Variants in CASTOR2 observed in about 807,000 individuals in gnomAD.
CASTOR2 encodes cytosolic arginine sensor for mTORC1 subunit 2, also known as GATS protein like 2.
A neutral mutation model predicts 31.2 loss-of-function variants in CASTOR2; 8 were observed. The ratio of observed to expected loss-of-function variants is 0.26; its 90% confidence interval spans 0.15 to 0.46. CASTOR2 has a LOEUF of 0.46. CASTOR2 is among the 20% of genes least tolerant of loss of function. The pLI, the probability that CASTOR2 is intolerant of heterozygous loss-of-function variation, is 0.99. For missense variants in CASTOR2, 216 were observed against 382.1 expected, an observed-to-expected ratio of 0.57 and a Z score of 3.62; for synonymous variants, 162 against 158.7, an observed-to-expected ratio of 1.02 and a Z score of -0.16.
chr7:75,027,993 GA>G lies in CASTOR2; in HGVS notation c.*3296del, dbSNP rs1805185436. 8.5e-6 allele frequency: 13 copies of G among 1,532,282 alleles called. No individual in the cohort carries two copies. Among genetic ancestry groups the G allele is most frequent in the Non-Finnish European group, 1.1e-5 (13 of 1,144,524 alleles). The allele number at this position is 1,532,282 out of a possible 1,614,324, so 94.9% of individuals were successfully genotyped here. ...GAGGGGCTCCATCCGCAGTTGCATG[GA>G]ACTCCTTACCTGTTTGCCGTCCATC... On this transcript the variant is annotated 3_prime_UTR_variant, in exon 9 of 9. Transcript: ENST00000616305.
In CASTOR2 at chr7:74,977,200, A is replaced by G. The variant is rs1250444327; in HGVS notation, c.113+12102A>G. Among the ~76,000 whole-genome samples, 9 of 150,804 alleles carry G rather than the reference A, an allele frequency of 6.0e-5. No homozygotes were observed. The Admixed American group carries it at 6.0e-4, about 10-fold the overall frequency. On this transcript the variant is annotated intron_variant, in intron 1 of 8. Coordinates refer to ENST00000616305, the MANE Select transcript of CASTOR2 (RefSeq NM_001145064.3). ...ACTCCATCTCAAAAAAAAAAAAAAA[A>G]AAAACACCTTGTAAAAGGTTTAATT...
chr7:75,014,419 CAAAAAAAA>C (rs1193842037), intron 2 of CASTOR2, among the ~76,000 whole-genome samples: 1 of 57,560 alleles, frequency 1.7e-5, no homozygotes, highest in African/African-American at 5.5e-5. Flanking sequence ...ACTAAAAATA[CAAAAAAAA>C]AAAAAAAAAA....
At chr7:74,997,528 C>T (rs1169415806) in intron 1 of CASTOR2, among the ~76,000 whole-genome samples, 17 of 151,520 alleles carry the variant, frequency 1.1e-4, no homozygotes, top group East Asian at 1.9e-4. Flanking sequence ...CAGGTTCAAG[C>T]GATTCTTGTG....
Position 74,967,362 on chromosome 7 carries a change from A to G in CASTOR2, c.113+2264A>G. Among the ~76,000 whole-genome samples the G allele has an allele frequency of 1.4e-5, 2 of 138,872 alleles. 1 individual carries two copies. The highest frequency in any genetic ancestry group is 3.2e-5 in the Non-Finnish European group (2 of 62,910). The allele number at this position is 138,872 out of a possible 152,430, so 91.1% of individuals were successfully genotyped here. A position where few individuals can be genotyped will look rare whatever the true frequency, so the allele number is the denominator to read the frequency against. On this transcript the variant is annotated intron_variant, in intron 1 of 8. Coordinates refer to ENST00000616305, the MANE Select transcript of CASTOR2 (RefSeq NM_001145064.3). ...AGTGTTAATGGGTCGCAGCCTGCCG[A>G]CATAGCATTTAAACTGTTTTCAATA...
At chr7:75,005,330 A>G (rs1432333016) in intron 1 of CASTOR2, among the ~76,000 whole-genome samples, 172 of 152,342 alleles carry the variant, frequency 1.1e-3, no homozygotes, top group African/African-American at 4.0e-3. Context: ...TCATATGAAT[A>G]GAAACATACA....
chr7:75,031,456 T>C lies in CASTOR2; in HGVS notation c.*6757T>C, dbSNP rs1396705764. 1.3e-5 allele frequency among the ~76,000 whole-genome samples: 2 copies of C among 151,960 alleles called. No homozygotes were observed. The highest frequency in any genetic ancestry group is 3.9e-4 in the East Asian group (2 of 5,188). Reference sequence around the variant, plus strand: ...GTACTGTATGTTGGAGAAAAAAAATTACCTAATGTTCCCCCAAAAAAGACA... The same window carrying C: ...GTACTGTATGTTGGAGAAAAAAAATCACCTAATGTTCCCCCAAAAAAGACA... On this transcript the variant is annotated 3_prime_UTR_variant, in exon 9 of 9. Transcript: ENST00000616305.
At chr7:74,998,332 G>A (rs1455455477) in intron 1 of CASTOR2, among the ~76,000 whole-genome samples, 6 of 152,146 alleles carry the variant, frequency 3.9e-5, no homozygotes, top group Admixed American at 1.3e-4. Flanking sequence ...GGCCGGGCAC[G>A]GTGGCTCACA....
intron 1 of CASTOR2, among the ~76,000 whole-genome samples, chr7:75,007,476 T>C (rs1563060894): frequency 6.6e-6 from 1 of 152,056 alleles, no homozygotes; most frequent in African/African-American, 2.4e-5. Flanking sequence ...CCTCTCTCTT[T>C]AGGGATGGAA....
At chr7:74,975,324 C>T (rs1445020004) in intron 1 of CASTOR2, among the ~76,000 whole-genome samples, 11 of 150,418 alleles carry the variant, frequency 7.3e-5, no homozygotes, top group South Asian at 6.4e-4. Context: ...TTGTCCACGC[C>T]GGTCTCAAAC....
At chr7:74,985,394 A>G (rs1804037942) in intron 1 of CASTOR2, among the ~76,000 whole-genome samples, 1 of 151,878 alleles carries the variant, frequency 6.6e-6, no homozygotes, top group Non-Finnish European at 1.5e-5. Context: ...AGCCTGGGCA[A>G]CATAGTGAGA....
rs1805080612 is a variant in CASTOR2 at position 75,024,717 on chromosome 7, C to T, written c.*18C>T. 3.9e-6 allele frequency: 6 copies of T among 1,551,468 alleles called. No individual in the cohort carries two copies. Among genetic ancestry groups the T allele is most frequent in the Non-Finnish European group, 5.2e-6 (6 of 1,146,860 alleles). On this transcript the variant is annotated 3_prime_UTR_variant, in exon 9 of 9. Transcript: ENST00000616305. ...AGCACTAGAAGGGTCTCTTCTGCTC[C>T]TCCCTGCCGCCGCCCGGGCCCAGCC...
Position 75,027,911 on chromosome 7 carries a change from TG to T in CASTOR2, c.*3215del. 3 of 1,113,786 alleles carry T rather than the reference TG, an allele frequency of 2.7e-6. No homozygotes were observed. Among genetic ancestry groups the T allele is most frequent in the Non-Finnish European group, 3.9e-6 (3 of 764,392 alleles). The allele number at this position is 1,113,786 out of a possible 1,614,324, so 69.0% of individuals were successfully genotyped here. ...GTCCCCCAGCTATCTCCTGGTCTGC[TG>T]GGTGGGAGGGTCTCTCCAGGCCCCA... is the stretch of plus-strand genomic sequence containing the variant. On this transcript the variant is annotated 3_prime_UTR_variant, in exon 9 of 9. Transcript: ENST00000616305.
rs1805259662 is a variant in CASTOR2, at chr7:75,030,126, A to G, written c.*5427A>G. On this transcript the variant is annotated 3_prime_UTR_variant, in exon 9 of 9. Coordinates refer to ENST00000616305, the MANE Select transcript of CASTOR2 (RefSeq NM_001145064.3). ...GCCGAGAGAGCTTGTGGCTGTCACT[A>G]TAAGGGAAGAGGAGCTATGGAAATT... 1.3e-5 allele frequency among the ~76,000 whole-genome samples: 2 copies of G among 152,222 alleles called. No homozygotes were observed. The highest frequency in any genetic ancestry group is 6.5e-5 in the Admixed American group (1 of 15,284).
intron 1 of CASTOR2, among the ~76,000 whole-genome samples, chr7:75,003,605 T>C (rs1216774660): frequency 2.0e-5 from 3 of 151,592 alleles, no homozygotes; most frequent in Admixed American, 6.6e-5. Flanking sequence ...AAAAAATTAG[T>C]TGGGCGTGGT....
intron 1 of CASTOR2, among the ~76,000 whole-genome samples, chr7:74,987,602 T>A (rs1282138433): frequency 2.6e-5 from 4 of 152,216 alleles, no homozygotes; most frequent in Non-Finnish European, 5.9e-5. Flanking sequence ...GCCATGCCTC[T>A]GGTCTCCCGA....
intron 1 of CASTOR2, among the ~76,000 whole-genome samples, chr7:74,973,234 GATGATC>G (rs1803720428): frequency 6.7e-6 from 1 of 149,790 alleles, no homozygotes; most frequent in Non-Finnish European, 1.5e-5. Context: ...AAACAGAGAT[GATGATC>G]ATGCCTGTAA....
chr7:75,021,832 TTCACA>T (rs1420524585), intron 6 of CASTOR2, 37 bp from the exon 7 acceptor site: 1 of 1,550,822 alleles, frequency 6.4e-7, no homozygotes, highest in African/African-American at 1.4e-5. Context: ...GGGAGTGCAA[TTCACA>T]TCAGCCTCGG....
rs1447867322 is a variant in CASTOR2, at chr7:74,979,091, C to T, written c.113+13993C>T. Among the ~76,000 whole-genome samples the T allele has an allele frequency of 4.6e-5, 7 of 152,078 alleles. No individual in the cohort carries two copies. The East Asian group carries it at 9.7e-4, about 21-fold the overall frequency. ...CTGAGGTGGAAGGATCGCTTGACCC[C>T]GGGAGGTAGAGGCTGCAGTGAGCCG... On this transcript the variant is annotated intron_variant, in intron 1 of 8. Transcript: ENST00000616305.
chr7:75,013,605 T>C (rs1360901905), intron 2 of CASTOR2, among the ~76,000 whole-genome samples: 4 of 151,992 alleles, frequency 2.6e-5, no homozygotes, highest in Non-Finnish European at 4.4e-5. Context: ...ATTGTACCAC[T>C]GCACTCCAGC....
Sources: gnomAD v4.1 joint callset for allele counts (sites outside exome capture counted in the v4.1 genomes callset) on GRCh38, gnomAD v4.1.1 for gene constraint, MANE v1.5 for transcripts, NCBI Gene and HGNC (gene_info 2026-07-23, HGNC 2026-07-21) for gene names.